Variants in IGF1 observed in about 807,000 individuals in gnomAD.
IGF1 encodes insulin like growth factor 1, also known as insulin-like growth factor 1.
A neutral mutation model predicts 13.8 loss-of-function variants in IGF1; 4 were observed. The ratio of observed to expected loss-of-function variants is 0.29; its 90% CI spans 0.14 to 0.66. The LOEUF (loss-of-function observed/expected upper bound fraction) is 0.66. Among genes scored for constraint, IGF1 ranks in the 30% least tolerant of loss-of-function variants. The probability of loss-of-function intolerance (pLI) is 0.78; values close to 1 mark genes in which losing one functional copy is unlikely to be tolerated. For synonymous variants in IGF1, 76 were observed against 72.6 expected (o/e 1.05, Z -0.23); for missense variants, 124 against 188.5 (o/e 0.66, Z 2.00).
chr12:102,424,340 A>C (rs1006269023), intron 2 of IGF1, among the ~76,000 whole-genome samples: 1 of 152,092 alleles, frequency 6.6e-6, no homozygotes. Context: ...CTGATAAAAA[A>C]CACAAATGAA....
At chr12:102,402,709 G>C in intron 3 of IGF1, 143 bp from the exon 4 acceptor site, 1 of 703,570 alleles carries the variant, frequency 1.4e-6, no homozygotes, top group Non-Finnish European at 2.6e-6. Context: ...TTCCTGAGAA[G>C]GGCATGTATA....
At chr12:102,441,341 T>C (rs1877697639) in intron 2 of IGF1, among the ~76,000 whole-genome samples, 1 of 152,198 alleles carries the variant, frequency 6.6e-6, no homozygotes, top group South Asian at 2.1e-4. Flanking sequence ...AGGCAGGCAA[T>C]ATATTGCATC....
chr12:102,443,530 A>G (rs977948514), intron 2 of IGF1, among the ~76,000 whole-genome samples: 15 of 152,060 alleles, frequency 9.9e-5, no homozygotes, highest in Non-Finnish European at 1.9e-4. Context: ...GTATCTTGGG[A>G]CTACTACATA....
At position 102,457,013 on chromosome 12, in the gene IGF1, G is replaced by A. The variant is rs551288595; in HGVS notation, c.220+18630C>T. ...CCTGGTACTAAAAAAACTGCTTTGG[G>A]TAGGCAGGCAGGGCTGACTGTACCC... On this transcript the variant is annotated intron_variant, in intron 2 of 3. Transcript: ENST00000337514. Among the ~76,000 whole-genome samples, 3 of 152,228 alleles carry A rather than the reference G, an allele frequency of 2.0e-5. No homozygotes were observed. In the South Asian group the frequency reaches 6.2e-4, roughly 32 times the overall value.
intron 2 of IGF1, among the ~76,000 whole-genome samples, chr12:102,465,009 T>G (rs1880199246): frequency 1.3e-5 from 2 of 152,214 alleles, no homozygotes; most frequent in South Asian, 4.1e-4. Context: ...AGGCCCCATC[T>G]CTTTGCTGCT....
chr12:102,420,265 C>G (rs1008381208), intron 2 of IGF1, among the ~76,000 whole-genome samples: 1 of 152,178 alleles, frequency 6.6e-6, no homozygotes, highest in Non-Finnish European at 1.5e-5. Flanking sequence ...AGTCAAGATG[C>G]AAACTCAGAT....
At chr12:102,431,681 C>T (rs994127717) in intron 2 of IGF1, among the ~76,000 whole-genome samples, 1 of 152,074 alleles carries the variant, frequency 6.6e-6, no homozygotes, top group Admixed American at 6.6e-5. Context: ...AAGTTGATAC[C>T]TTTACTGGGA....
intron 2 of IGF1, among the ~76,000 whole-genome samples, chr12:102,453,627 A>G (rs1455357339): frequency 1.3e-5 from 2 of 152,224 alleles, no homozygotes; most frequent in African/African-American, 4.8e-5. Flanking sequence ...TTCTCTTATG[A>G]TGAAGTTGGA....
At chr12:102,404,902 C>T (rs190146470) in intron 3 of IGF1, among the ~76,000 whole-genome samples, 116 of 151,394 alleles carry the variant, frequency 7.7e-4, no homozygotes, top group Non-Finnish European at 1.5e-3. Flanking sequence ...GGATTACAGA[C>T]GCCTGCCACC....
At chr12:102,417,638 G>T in intron 3 of IGF1, 3 of 1,325,818 alleles carry the variant, frequency 2.3e-6, no homozygotes, top group Non-Finnish European at 1.9e-6. Flanking sequence ...TTTCTTTTCC[G>T]TTTTCTCCAT....
chr12:102,475,818 G>A lies in IGF1; in HGVS notation c.64-19C>T. On this transcript the variant is annotated intron_variant, in intron 1 of 3. Transcript: ENST00000337514. ...TCTTCACCTGCCCAAGAAACAGAGG[G>A]AGGGTCAGGTTTCCTCCTTGATCCT... 1 of 1,606,164 alleles carries A rather than the reference G, an allele frequency of 6.2e-7. No homozygotes were observed. Among genetic ancestry groups the A allele is most frequent in the Non-Finnish European group, 8.5e-7 (1 of 1,175,966 alleles).
chr12:102,408,471 CG>C (rs1192973658), intron 3 of IGF1, among the ~76,000 whole-genome samples: 8 of 152,126 alleles, frequency 5.3e-5, no homozygotes, highest in African/African-American at 1.9e-4. Context: ...TTTTGAGAAA[CG>C]TGTACTCCTT....
At chr12:102,455,855 C>G (rs1439967756) in intron 2 of IGF1, among the ~76,000 whole-genome samples, 6 of 152,152 alleles carry the variant, frequency 3.9e-5, no homozygotes, top group Non-Finnish European at 8.8e-5. Flanking sequence ...AGAGACAAGT[C>G]ATGAACACAA....
rs758600507 is a variant in IGF1 at position 102,419,708 on chromosome 12, A to G, written c.221-18T>C. ...GGGCTTGTCTGCACAAATCAAACAG[A>G]GTGGCCTCATGTTAGGGTGCAATCT... On this transcript the variant is annotated intron_variant, in intron 2 of 3. Coordinates refer to ENST00000337514, the MANE Select transcript of IGF1 (RefSeq NM_000618.5). 3.1e-6 allele frequency: 5 copies of G among 1,609,748 alleles called. No individual in the cohort carries two copies. In the African/African-American group the frequency reaches 6.7e-5, roughly 21 times the overall value.
chr12:102,480,900 A>T (rs1881354186), upstream of IGF1, among the ~76,000 whole-genome samples: 1 of 152,226 alleles, frequency 6.6e-6, no homozygotes, highest in Non-Finnish European at 1.5e-5. Context: ...CCAGTATTAA[A>T]GGAATATGGG....
intron 2 of IGF1, 112 bp downstream of exon 2, chr12:102,475,531 G>T: frequency 8.1e-7 from 1 of 1,236,198 alleles, no homozygotes; most frequent in Non-Finnish European, 1.2e-6. Flanking sequence ...GGCCTAGGAT[G>T]GCTGCCAGAT....
At chr12:102,475,989 A>C (rs556265116) in intron 1 of IGF1, among the ~76,000 whole-genome samples, 190 bp from the exon 2 acceptor site, 1 of 152,170 alleles carries the variant, frequency 6.6e-6, no homozygotes, top group East Asian at 1.9e-4. Context: ...GCATCCAACA[A>C]CCTGTGTTTA....
intron 2 of IGF1, among the ~76,000 whole-genome samples, chr12:102,457,662 AT>A (rs1397193194): frequency 6.6e-6 from 1 of 152,276 alleles, no homozygotes; most frequent in East Asian, 1.9e-4. Flanking sequence ...AAGGATGAAA[AT>A]TTTTTGTATT....
intron 2 of IGF1, among the ~76,000 whole-genome samples, chr12:102,422,191 A>G (rs536002462): frequency 2.6e-4 from 40 of 152,314 alleles, no homozygotes; most frequent in African/African-American, 8.9e-4. Context: ...CTTTTCTGCA[A>G]TGTTCCATAG....
Sources: gnomAD v4.1 joint callset for allele counts (sites outside exome capture counted in the v4.1 genomes callset) on GRCh38, gnomAD v4.1.1 for gene constraint, MANE v1.5 for transcripts, NCBI Gene and HGNC (gene_info 2026-07-23, HGNC 2026-07-21) for gene names.